Variants in PLEKHA6 observed in about 807,000 individuals in gnomAD.
PLEKHA6 encodes the protein pleckstrin homology domain-containing family A member 6.
Under a neutral mutation model 116.7 loss-of-function variants are expected in PLEKHA6, and 60 were observed. That is an observed-to-expected ratio of 0.51 (90% confidence interval 0.42 to 0.64). The LOEUF is 0.64. Ranked by LOEUF, PLEKHA6 falls within the 30% of genes least tolerant of loss-of-function variation. PLEKHA6 has a pLI of 0.00. For synonymous variants in PLEKHA6, 489 were observed against 556.1 expected (o/e 0.88, Z 1.70); for missense variants, 1,338 against 1,422.7 (o/e 0.94, Z 0.96).
At chr1:204,251,586 CTGA>C (rs1487127790) in intron 9 of PLEKHA6, 1 of 702,846 alleles carries the variant, frequency 1.4e-6, no homozygotes, top group Non-Finnish European at 2.6e-6. Flanking sequence ...GTTCACCATA[CTGA>C]TGAGAGTCTC....
rs534048659 is a variant in PLEKHA6, at chr1:204,336,605, C to G, written c.-95+23089G>C. Reference sequence around the variant, plus strand: ...GTGTGTGTGCACGCACATACATACACTGGGGAAAATACTTAGATCATGCAC... The same window carrying G: ...GTGTGTGTGCACGCACATACATACAGTGGGGAAAATACTTAGATCATGCAC... On this transcript the variant is annotated intron_variant, in intron 1 of 22. Coordinates refer to ENST00000272203, the MANE Select transcript of PLEKHA6 (RefSeq NM_014935.5). Among the ~76,000 whole-genome samples, 18 of 152,144 alleles carry G rather than the reference C, an allele frequency of 1.2e-4. No individual in the cohort carries two copies. In the East Asian group the frequency reaches 3.5e-3, roughly 29 times the overall value.
At chr1:204,296,456 C>A (rs4265490) in intron 1 of PLEKHA6, among the ~76,000 whole-genome samples, 31,597 of 151,986 alleles carry the variant, frequency 0.21, 3,656 homozygotes, top group South Asian at 0.29. Context: ...TGCCCTGCAC[C>A]ATCATCACTA....
chr1:204,231,210 G>A (rs1219949797), intron 17 of PLEKHA6, among the ~76,000 whole-genome samples: 1 of 152,158 alleles, frequency 6.6e-6, no homozygotes, highest in Non-Finnish European at 1.5e-5. Flanking sequence ...AAAATTTCAA[G>A]GTGTATAATA....
intron 17 of PLEKHA6, among the ~76,000 whole-genome samples, chr1:204,235,030 A>ATATT (rs1399307167): frequency 7.6e-6 from 1 of 131,232 alleles, no homozygotes; most frequent in African/African-American, 2.7e-5. Context: ...GCAGATATAT[A>ATATT]TATATATCTG....
chr1:204,281,350 C>G (rs1048057803), intron 1 of PLEKHA6, among the ~76,000 whole-genome samples: 2 of 152,018 alleles, frequency 1.3e-5, no homozygotes, highest in Admixed American at 6.5e-5. Context: ...ACAGTGAAAC[C>G]CTGTCTCTAC....
intron 1 of PLEKHA6, among the ~76,000 whole-genome samples, chr1:204,324,971 G>A (rs1672192789): frequency 6.6e-6 from 1 of 152,044 alleles, no homozygotes; most frequent in African/African-American, 2.4e-5. Flanking sequence ...AGGCTGGAGT[G>A]CAGTGGCGTG....
intron 1 of PLEKHA6, chr1:204,275,805 G>C (rs1667945583): frequency 1.5e-6 from 1 of 663,694 alleles, no homozygotes. Context: ...TCAGCCAGTG[G>C]AGGGACTAGA....
intron 12 of PLEKHA6, among the ~76,000 whole-genome samples, chr1:204,248,221 C>T (rs1259605445): frequency 7.8e-6 from 1 of 127,938 alleles, no homozygotes; most frequent in African/African-American, 3.0e-5. Flanking sequence ...TGCAATGGTG[C>T]GATCTCGGCT....
chr1:204,231,173 GTAAT>G (rs1661134907), intron 17 of PLEKHA6, among the ~76,000 whole-genome samples: 1 of 152,200 alleles, frequency 6.6e-6, no homozygotes, highest in African/African-American at 2.4e-5. Flanking sequence ...TAGAGACTTT[GTAAT>G]TGGCTAACGG....
chr1:204,330,012 T>C (rs1672390819), intron 1 of PLEKHA6, among the ~76,000 whole-genome samples: 1 of 152,008 alleles, frequency 6.6e-6, no homozygotes, highest in South Asian at 2.1e-4. Flanking sequence ...CTGATTTGGA[T>C]CCAAATTTAA....
chr1:204,279,214 C>G (rs1227024380), intron 1 of PLEKHA6, among the ~76,000 whole-genome samples: 1 of 152,210 alleles, frequency 6.6e-6, no homozygotes, highest in Non-Finnish European at 1.5e-5. Flanking sequence ...CCTCCCACAG[C>G]CTTTGCTTAA....
chr1:204,251,941 C>G (rs1558066595), intron 9 of PLEKHA6, among the ~76,000 whole-genome samples: 1 of 152,182 alleles, frequency 6.6e-6, no homozygotes, highest in East Asian at 1.9e-4. Context: ...GCCCTGATCT[C>G]ATTTCTCACA....
intron 1 of PLEKHA6, among the ~76,000 whole-genome samples, chr1:204,322,024 G>A (rs1209455840): frequency 6.6e-6 from 1 of 152,214 alleles, no homozygotes; most frequent in Non-Finnish European, 1.5e-5. Context: ...ACCACCACTT[G>A]TGGAGCAGTT....
chr1:204,372,280 T>C (rs1411887259), intron 1 of PLEKHA6, among the ~76,000 whole-genome samples: 1 of 152,214 alleles, frequency 6.6e-6, no homozygotes, highest in Non-Finnish European at 1.5e-5. Flanking sequence ...GACAAAACTC[T>C]TTCTGATACC....
rs1485961025 is a variant in PLEKHA6 at position 204,244,288 on chromosome 1, C to A, written c.2172+576G>T. On this transcript the variant is annotated intron_variant, in intron 15 of 22. Transcript: ENST00000272203. ...CTGGGACTACAGGCGCGCGCCACCA[C>A]GCTCAGCTAATTTTTGTATTTTTTT... 2.0e-5 allele frequency among the ~76,000 whole-genome samples: 3 copies of A among 149,288 alleles called. No homozygotes were observed. In the East Asian group the frequency reaches 6.0e-4, roughly 30 times the overall value.
intron 1 of PLEKHA6, among the ~76,000 whole-genome samples, chr1:204,314,685 A>G (rs1671787598): frequency 6.6e-6 from 1 of 152,192 alleles, no homozygotes; most frequent in South Asian, 2.1e-4. Context: ...CCCTTCCCTG[A>G]GTCAAGCTTG....
chr1:204,339,382 G>A (rs954151273), intron 1 of PLEKHA6, among the ~76,000 whole-genome samples: 4 of 152,310 alleles, frequency 2.6e-5, no homozygotes, highest in South Asian at 2.1e-4. Context: ...CCTGCTATGC[G>A]GCAATACATA....
chr1:204,249,846 G>A (rs866833141), intron 10 of PLEKHA6, among the ~76,000 whole-genome samples: 1 of 152,162 alleles, frequency 6.6e-6, no homozygotes, highest in Non-Finnish European at 1.5e-5. Context: ...AGACAGGTGA[G>A]GCCAGAAAGA....
chr1:204,326,750 G>C lies in PLEKHA6; in HGVS notation c.-95+32944C>G, dbSNP rs147575990. Among the ~76,000 whole-genome samples the C allele has an allele frequency of 6.2e-3, 938 of 152,218 alleles. 6 individuals are homozygous for C. The highest frequency in any genetic ancestry group is 0.022 in the African/African-American group (902 of 41,520). On this transcript the variant is annotated intron_variant, in intron 1 of 22. Transcript: ENST00000272203. ...TAATCAAACCCCTTTCCTTCTCCTT[G>C]GTTGGTTGGTTCATTCATTCATTCC...
Sources: gnomAD v4.1 joint callset for allele counts (sites outside exome capture counted in the v4.1 genomes callset) on GRCh38, gnomAD v4.1.1 for gene constraint, MANE v1.5 for transcripts, NCBI Gene and HGNC (gene_info 2026-07-23, HGNC 2026-07-21) for gene names.